Variants in SLC9C1 observed in about 807,000 individuals in gnomAD.
SLC9C1 encodes the protein solute carrier family 9 member C1, also known as sodium/hydrogen exchanger 10.
Under a neutral mutation model 140.9 loss-of-function variants are expected in SLC9C1, and 97 were observed. That is an observed-to-expected ratio of 0.69 (90% CI 0.58 to 0.82). The LOEUF is 0.82. SLC9C1 is among the 40% of genes least tolerant of loss of function. The pLI is 0.00. For missense variants in SLC9C1, 1,340 were observed against 1,389.3 expected, an observed-to-expected ratio of 0.96 and a Z score of 0.56; for synonymous variants, 440 against 442.6, an observed-to-expected ratio of 0.99 and a Z score of 0.07.
chr3:112,286,040 A>T (rs2108362397), intron 2 of SLC9C1, among the ~76,000 whole-genome samples: 1 of 152,316 alleles, frequency 6.6e-6, no homozygotes, highest in East Asian at 1.9e-4. Flanking sequence ...TTAGTATTAC[A>T]GGTGTGAGCC....
chr3:112,276,527 G>A lies in SLC9C1; in HGVS notation c.484+1168C>T, dbSNP rs569876277. On this transcript the variant is annotated intron_variant, in intron 5 of 28. Coordinates refer to ENST00000305815, the MANE Select transcript of SLC9C1 (RefSeq NM_183061.3). ...TAAAAATTTCTTCTGGAAAGATACA[G>A]GGAGGAGAGAAACAAAATTCTGAAA... Among the ~76,000 whole-genome samples, 7 of 152,160 alleles carry A rather than the reference G, an allele frequency of 4.6e-5. No homozygotes were observed. In the East Asian group the frequency reaches 1.3e-3, roughly 29 times the overall value.
chr3:112,290,812 TTC>T (rs1405620575), intron 1 of SLC9C1, among the ~76,000 whole-genome samples: 5 of 60,582 alleles, frequency 8.3e-5, no homozygotes, highest in African/African-American at 1.3e-4. Flanking sequence ...CTTCTTTTCC[TTC>T]TTTTTTTTTT....
At chr3:112,210,224 C>T (rs2078164704) in intron 15 of SLC9C1, among the ~76,000 whole-genome samples, 1 of 152,144 alleles carries the variant, frequency 6.6e-6, no homozygotes, top group Admixed American at 6.5e-5. Context: ...ATGTTCATGG[C>T]AGCACTATTC....
At chr3:112,267,741 G>T (rs1252625415) in intron 7 of SLC9C1, among the ~76,000 whole-genome samples, 1 of 152,048 alleles carries the variant, frequency 6.6e-6, no homozygotes, top group Admixed American at 6.6e-5. Context: ...ATTACAAGTT[G>T]TCTATTTTTT....
At chr3:112,284,714 T>C (rs971950624) in intron 2 of SLC9C1, among the ~76,000 whole-genome samples, 5 of 152,148 alleles carry the variant, frequency 3.3e-5, no homozygotes, top group South Asian at 2.1e-4. Context: ...CTTCATTACA[T>C]TGAAAATGCA....
intron 10 of SLC9C1, among the ~76,000 whole-genome samples, chr3:112,249,873 G>T (rs73221764): frequency 6.6e-6 from 1 of 151,496 alleles, no homozygotes; most frequent in Non-Finnish European, 1.5e-5. Flanking sequence ...CTTATTTATT[G>T]TTTCAGATAA....
At chr3:112,217,986 A>G (rs1576369131) in intron 14 of SLC9C1, among the ~76,000 whole-genome samples, 1 of 152,314 alleles carries the variant, frequency 6.6e-6, no homozygotes, top group Non-Finnish European at 1.5e-5. Context: ...TAAATGGGAA[A>G]GCATGTATAA....
intron 10 of SLC9C1, among the ~76,000 whole-genome samples, chr3:112,260,164 A>G (rs988976042): frequency 6.6e-6 from 1 of 152,038 alleles, no homozygotes; most frequent in East Asian, 1.9e-4. Flanking sequence ...TTTGCTTCAT[A>G]TATTTTCTCA....
At chr3:112,159,654 G>T (rs576488850) in intron 26 of SLC9C1, among the ~76,000 whole-genome samples, 2 of 152,112 alleles carry the variant, frequency 1.3e-5, no homozygotes, top group Admixed American at 1.3e-4. Context: ...TGTAACTGGG[G>T]TGTTGAAGTC....
chr3:112,232,113 A>G (rs543900654), intron 12 of SLC9C1, among the ~76,000 whole-genome samples: 30 of 152,312 alleles, frequency 2.0e-4, no homozygotes, highest in African/African-American at 6.7e-4. Context: ...ATAAAGCCAG[A>G]TTTTCTGATT....
chr3:112,235,881 T>C (rs1308217459), intron 12 of SLC9C1, among the ~76,000 whole-genome samples: 12 of 152,200 alleles, frequency 7.9e-5, no homozygotes, highest in Non-Finnish European at 1.5e-4. Flanking sequence ...CAGTATTTTA[T>C]TGAGGATTTT....
chr3:112,205,921 C>G (rs1289013344), intron 16 of SLC9C1, among the ~76,000 whole-genome samples: 2 of 100,604 alleles, frequency 2.0e-5, no homozygotes, highest in African/African-American at 7.0e-5. Context: ...CTAGGCATTA[C>G]CATTCAGGAC....
intron 6 of SLC9C1, among the ~76,000 whole-genome samples, chr3:112,270,824 AGGGTACC>A (rs2080053010): frequency 6.6e-6 from 1 of 152,202 alleles, no homozygotes; most frequent in African/African-American, 2.4e-5. Context: ...TCAAAAAAAA[AGGGTACC>A]AGTTGACCAT....
chr3:112,238,771 G>A (rs1362226396), intron 12 of SLC9C1, among the ~76,000 whole-genome samples: 2 of 152,184 alleles, frequency 1.3e-5, no homozygotes, highest in African/African-American at 2.4e-5. Flanking sequence ...GCAGAACAGC[G>A]AATATTGCTG....
At chr3:112,245,328 G>C (rs1287335071) in intron 10 of SLC9C1, among the ~76,000 whole-genome samples, 2 of 151,894 alleles carry the variant, frequency 1.3e-5, no homozygotes, top group Non-Finnish European at 2.9e-5. Context: ...GGTTACCATT[G>C]TATTTTCTTC....
At chr3:112,263,250 G>C in intron 9 of SLC9C1, 152 bp from the exon 10 acceptor site, 1 of 566,212 alleles carries the variant, frequency 1.8e-6, no homozygotes, top group Non-Finnish European at 2.9e-6. Flanking sequence ...ACCAAAGAAA[G>C]GCAGCAGGTA....
At chr3:112,247,504 A>C (rs2079320608) in intron 10 of SLC9C1, among the ~76,000 whole-genome samples, 1 of 152,212 alleles carries the variant, frequency 6.6e-6, no homozygotes, top group Non-Finnish European at 1.5e-5. Context: ...GCTTAGAAAG[A>C]TGGTGATATA....
In SLC9C1 at chr3:112,169,000, A is replaced by G. The variant is rs774583058; in HGVS notation, c.3114T>C (p.Ser1038=). ...TTTCATCATAAATATCAGTTTTGGTACTCATTGGTATATCTACTACATAAA... is the reference window on the plus strand; with the variant it reads ...TTTCATCATAAATATCAGTTTTGGTGCTCATTGGTATATCTACTACATAAA... ...SNIYVVDIPM[S]TKTDIYDENL... The change falls in exon 25 of 29, where the codon AGT becomes AGC. Residue 1038 remains serine (S), a synonymous_variant. Transcript: ENST00000305815. 6.2e-7 allele frequency: 1 copy of G among 1,611,136 alleles called. No homozygotes were observed. Among genetic ancestry groups the G allele is most frequent in the Non-Finnish European group, 8.5e-7 (1 of 1,178,994 alleles).
In SLC9C1 at chr3:112,204,508, C is replaced by T. The variant is rs547041587; in HGVS notation, c.1987-105G>A. ...ATGTTAGGCTTTTCTCTTATCTACT[C>T]CACATGTATGAAATATCCTCAGGAA... On this transcript the variant is annotated intron_variant, in intron 16 of 28. Transcript: ENST00000305815. 9 of 1,215,596 alleles carry T rather than the reference C, an allele frequency of 7.4e-6. No individual in the cohort carries two copies. The African/African-American group carries it at 1.3e-4, about 17-fold the overall frequency. 75.3% of individuals were successfully genotyped at this position (1,215,596 alleles called of 1,614,324 possible).
Sources: gnomAD v4.1 joint callset for allele counts (sites outside exome capture counted in the v4.1 genomes callset) on GRCh38, gnomAD v4.1.1 for gene constraint, MANE v1.5 for transcripts, NCBI Gene and HGNC (gene_info 2026-07-23, HGNC 2026-07-21) for gene names.